AMPH: variants seen among roughly 807,000 people sequenced by gnomAD.
The protein encoded by AMPH is amphiphysin (Stiff-Mann syndrome with breast cancer 128kD autoantigen).
A neutral mutation model predicts 99.1 loss-of-function variants in AMPH; 49 were observed. The observed-to-expected ratio is 0.49, with a 90% confidence interval of 0.39 to 0.63. The LOEUF (loss-of-function observed/expected upper bound fraction) is 0.63, where lower values mean the gene tolerates loss of function less well. Ranked by LOEUF, AMPH falls within the 20% of genes least tolerant of loss-of-function variation. The probability of loss-of-function intolerance (pLI) is 0.00; values close to 1 mark genes in which losing one functional copy is unlikely to be tolerated. For synonymous variants in AMPH, 314 were observed against 317.3 expected, an observed-to-expected ratio of 0.99 and a Z score of 0.11; for missense variants, 759 against 863.4, an observed-to-expected ratio of 0.88 and a Z score of 1.52.
chr7:38,476,773 T>G, intron 6 of AMPH, 89 bp downstream of exon 6: 1 of 874,106 alleles, frequency 1.1e-6, no homozygotes, highest in Non-Finnish European at 1.9e-6. Context: ...CAATCTCCTT[T>G]TATAGAGGAG....
At chr7:38,388,601 T>G (rs867177380) in intron 20 of AMPH, among the ~76,000 whole-genome samples, 29 of 152,124 alleles carry the variant, frequency 1.9e-4, no homozygotes, top group African/African-American at 6.5e-4. Flanking sequence ...ATTTTAAAAT[T>G]TTTAAATCTT....
At chr7:38,390,961 CAGAGAGAGAGAGAGAG>C (rs199667568) in intron 19 of AMPH, among the ~76,000 whole-genome samples, 2,573 of 129,254 alleles carry the variant, frequency 0.02, 47 homozygotes, top group African/African-American at 0.059. Flanking sequence ...GAGACAAAGA[CAGAGAGAGAGAGAGAG>C]AGAGAGAGAG....
chr7:38,614,054 T>C (rs963785252), intron 1 of AMPH, among the ~76,000 whole-genome samples: 20 of 152,238 alleles, frequency 1.3e-4, no homozygotes, highest in Middle Eastern at 6.8e-3. Flanking sequence ...AAGGCAGCAG[T>C]GGAACACAAA....
At chr7:38,510,656 G>A (rs1445884577) in intron 2 of AMPH, among the ~76,000 whole-genome samples, 1 of 152,112 alleles carries the variant, frequency 6.6e-6, no homozygotes, top group Non-Finnish European at 1.5e-5. Flanking sequence ...AGCCAGAATT[G>A]GAATTCAGGC....
chr7:38,450,252 G>A (rs1786956305), intron 11 of AMPH, among the ~76,000 whole-genome samples: 1 of 152,166 alleles, frequency 6.6e-6, no homozygotes, highest in East Asian at 1.9e-4. Context: ...TATCATAGTT[G>A]GAGAAAGATT....
At chr7:38,415,173 C>A (rs1785333978) in intron 17 of AMPH, among the ~76,000 whole-genome samples, 1 of 151,988 alleles carries the variant, frequency 6.6e-6, no homozygotes, top group Non-Finnish European at 1.5e-5. Flanking sequence ...TTCTTAAAAG[C>A]CCTAGGTTTC....
chr7:38,515,348 C>T (rs1789697668), intron 2 of AMPH, among the ~76,000 whole-genome samples: 2 of 152,090 alleles, frequency 1.3e-5, no homozygotes, highest in East Asian at 3.9e-4. Context: ...TGGACTTCCC[C>T]CTTGCTATTC....
At chr7:38,561,126 G>A (rs1302113879) in intron 1 of AMPH, among the ~76,000 whole-genome samples, 1 of 152,192 alleles carries the variant, frequency 6.6e-6, no homozygotes, top group Non-Finnish European at 1.5e-5. Context: ...CAGGCATGTG[G>A]TTAAACTAAC....
At chr7:38,494,846 T>C (rs1788870364) in intron 3 of AMPH, among the ~76,000 whole-genome samples, 1 of 152,196 alleles carries the variant, frequency 6.6e-6, no homozygotes, top group South Asian at 2.1e-4. Flanking sequence ...TGCCAAGTGG[T>C]ATCAGATGCT....
chr7:38,403,446 G>T (rs934240979), intron 17 of AMPH, among the ~76,000 whole-genome samples: 1 of 152,210 alleles, frequency 6.6e-6, no homozygotes, highest in Non-Finnish European at 1.5e-5. Flanking sequence ...AGGTGCACTC[G>T]GACTCCCCGC....
At chr7:38,602,476 GAA>G (rs538975340) in intron 1 of AMPH, among the ~76,000 whole-genome samples, 4 of 152,148 alleles carry the variant, frequency 2.6e-5, no homozygotes, top group Non-Finnish European at 5.9e-5. Context: ...TCTAGTTTCT[GAA>G]GGCTGCCCAT....
At chr7:38,490,774 G>C (rs139273690) in intron 5 of AMPH, among the ~76,000 whole-genome samples, 1 of 152,110 alleles carries the variant, frequency 6.6e-6, no homozygotes, top group African/African-American at 2.4e-5. Flanking sequence ...ACTTTTGGTA[G>C]CTCTGGTTTA....
At chr7:38,593,267 G>C (rs1378426607) in intron 1 of AMPH, among the ~76,000 whole-genome samples, 1 of 152,144 alleles carries the variant, frequency 6.6e-6, no homozygotes, top group East Asian at 1.9e-4. Flanking sequence ...TAGTGAAGCA[G>C]AAACTATTCT....
intron 5 of AMPH, among the ~76,000 whole-genome samples, chr7:38,482,693 C>T (rs1335128090): frequency 6.6e-6 from 1 of 152,000 alleles, no homozygotes; most frequent in Non-Finnish European, 1.5e-5. Context: ...TTAGTCACAG[C>T]CTTTATTTGC....
chr7:38,522,848 G>A (rs867328496), intron 2 of AMPH, among the ~76,000 whole-genome samples: 5 of 152,142 alleles, frequency 3.3e-5, no homozygotes, highest in South Asian at 2.1e-4. Flanking sequence ...GGTGGCTCAC[G>A]CCTGTAATCC....
chr7:38,448,892 T>C (rs900550831), intron 11 of AMPH, among the ~76,000 whole-genome samples: 1 of 152,214 alleles, frequency 6.6e-6, no homozygotes, highest in Admixed American at 6.5e-5. Context: ...GTTTTGACTT[T>C]GTTTTTTATT....
chr7:38,453,364 A>C (rs1385938085), intron 11 of AMPH, among the ~76,000 whole-genome samples: 1 of 152,198 alleles, frequency 6.6e-6, no homozygotes, highest in Non-Finnish European at 1.5e-5. Flanking sequence ...ATAAAGCACT[A>C]GCAAAGCCTA....
intron 2 of AMPH, among the ~76,000 whole-genome samples, chr7:38,534,113 A>G (rs996162193): frequency 6.6e-6 from 1 of 152,162 alleles, no homozygotes; most frequent in African/African-American, 2.4e-5. Context: ...TAAAATTTTA[A>G]TACCGTAAGT....
At chr7:38,421,902 G>A (rs1318810334) in intron 16 of AMPH, among the ~76,000 whole-genome samples, 1 of 152,184 alleles carries the variant, frequency 6.6e-6, no homozygotes, top group East Asian at 1.9e-4. Flanking sequence ...AACGCCAGGA[G>A]TAACTATTTC....
Sources: gnomAD v4.1 joint callset for allele counts (sites outside exome capture counted in the v4.1 genomes callset) on GRCh38, gnomAD v4.1.1 for gene constraint, MANE v1.5 for transcripts, NCBI Gene and HGNC (gene_info 2026-07-23, HGNC 2026-07-21) for gene names.